The following CTNNA3 variants were observed in gnomAD, a reference collection of about 807,000 sequenced individuals.
The protein encoded by CTNNA3 is catenin alpha-3.
A neutral mutation model predicts 95.7 loss-of-function variants in CTNNA3; 76 were observed. That is an observed-to-expected ratio of 0.79 (90% confidence interval 0.66 to 0.96). CTNNA3 has a LOEUF of 0.96. Among genes scored for constraint, CTNNA3 ranks in the 40% least tolerant of loss-of-function variants. The pLI is 0.00. For synonymous variants in CTNNA3, 431 were observed against 374.4 expected, an observed-to-expected ratio of 1.15 and a Z score of -1.74; for missense variants, 1,191 against 1,089.8, an observed-to-expected ratio of 1.09 and a Z score of -1.31.
intron 1 of CTNNA3, among the ~76,000 whole-genome samples, chr10:67,726,564 A>ATTATATAATATATAT (rs1239359398): frequency 0.012 from 862 of 69,976 alleles, 7 homozygotes; most frequent in African/African-American, 0.021. Flanking sequence ...ATAATATAAT[A>ATTATATAATATATAT]TATATTACAT....
chr10:67,076,156 A>G lies in CTNNA3; in HGVS notation c.1047+104161T>C, dbSNP rs144974922. Reference sequence around the variant, plus strand: ...GCTCCCCTGTATTACAAAGTGAATAATTTCAGAAGATTCAATTCCTCCAGA... The same window carrying G: ...GCTCCCCTGTATTACAAAGTGAATAGTTTCAGAAGATTCAATTCCTCCAGA... On this transcript the variant is annotated intron_variant, in intron 7 of 17. Transcript: ENST00000433211. Among the ~76,000 whole-genome samples the G allele has an allele frequency of 2.7e-3, 414 of 152,362 alleles. 8 individuals are homozygous for G. Among genetic ancestry groups the G allele is most frequent in the Admixed American group, 0.024 (363 of 15,310 alleles).
chr10:67,427,559 CAACTT>C (rs1845967149), intron 5 of CTNNA3, among the ~76,000 whole-genome samples: 1 of 151,990 alleles, frequency 6.6e-6, no homozygotes, highest in Admixed American at 6.6e-5. Flanking sequence ...TTTTTCCTCT[CAACTT>C]AAACTGTGGA....
chr10:67,513,848 T>G (rs1447728379), intron 5 of CTNNA3, among the ~76,000 whole-genome samples: 1 of 152,142 alleles, frequency 6.6e-6, no homozygotes, highest in Non-Finnish European at 1.5e-5. Context: ...CTCTCTTGGT[T>G]TCAGGATACA....
At chr10:67,641,457 C>T (rs1161762956) in intron 2 of CTNNA3, among the ~76,000 whole-genome samples, 1 of 152,202 alleles carries the variant, frequency 6.6e-6, no homozygotes, top group Non-Finnish European at 1.5e-5. Context: ...GGTGATTCCT[C>T]AGGGGTCTAG....
In CTNNA3 at chr10:67,732,909, C is replaced by A. The variant is rs4256878; in HGVS notation, c.-2+30525G>T. ...ACGCACACACACACACACACACACA[C>A]ACATTCTCTCTCTCAAGACTCCGTT... On this transcript the variant is annotated intron_variant, in intron 1 of 17. Transcript: ENST00000684154. Among the ~76,000 whole-genome samples, 83 of 130,282 alleles carry A rather than the reference C, an allele frequency of 6.4e-4. 1 individual carries two copies. Among genetic ancestry groups the A allele is most frequent in the Middle Eastern group, 4.3e-3 (1 of 230 alleles). 85.5% of individuals were successfully genotyped at this position (130,282 alleles called of 152,430 possible).
At chr10:67,659,453 T>C (rs1840117064) in intron 1 of CTNNA3, among the ~76,000 whole-genome samples, 1 of 152,206 alleles carries the variant, frequency 6.6e-6, no homozygotes, top group South Asian at 2.1e-4. Flanking sequence ...TTACTCTATG[T>C]AGCAATGCCT....
chr10:66,721,671 C>A (rs567467637), intron 9 of CTNNA3, among the ~76,000 whole-genome samples: 1 of 152,288 alleles, frequency 6.6e-6, no homozygotes, highest in African/African-American at 2.4e-5. Flanking sequence ...GCAAGAGAGG[C>A]TGCCCTGCTG....
At chr10:67,181,165 C>T (rs1862521703) in intron 6 of CTNNA3, among the ~76,000 whole-genome samples, 1 of 152,152 alleles carries the variant, frequency 6.6e-6, no homozygotes, top group Admixed American at 6.5e-5. Flanking sequence ...CTTTAGTTAA[C>T]TTTAACACTA....
At chr10:66,910,356 G>T (rs1329381591) in intron 7 of CTNNA3, among the ~76,000 whole-genome samples, 1 of 152,102 alleles carries the variant, frequency 6.6e-6, no homozygotes. Flanking sequence ...GTCCTTCATG[G>T]CCTCGCTTAA....
intron 7 of CTNNA3, among the ~76,000 whole-genome samples, chr10:67,135,751 C>A (rs1019289728): frequency 1.3e-5 from 2 of 152,040 alleles, no homozygotes; most frequent in Non-Finnish European, 2.9e-5. Context: ...CCTCCACATA[C>A]CAACACCAAA....
intron 15 of CTNNA3, among the ~76,000 whole-genome samples, chr10:66,041,025 C>A (rs1283196352): frequency 3.9e-5 from 6 of 152,108 alleles, no homozygotes; most frequent in Non-Finnish European, 8.8e-5. Context: ...AGAAAGCCAG[C>A]AGACACCACC....
At chr10:66,854,867 A>G (rs562112475) in intron 7 of CTNNA3, among the ~76,000 whole-genome samples, 61 of 152,050 alleles carry the variant, frequency 4.0e-4, no homozygotes, top group African/African-American at 1.5e-3. Context: ...TCAGACAGAT[A>G]TAAGTTAGAA....
At chr10:67,478,702 C>A (rs1209543216) in intron 5 of CTNNA3, among the ~76,000 whole-genome samples, 2 of 151,900 alleles carry the variant, frequency 1.3e-5, no homozygotes, top group Non-Finnish European at 2.9e-5. Flanking sequence ...GCTCACAGAA[C>A]CCATAAAGCA....
chr10:66,996,976 A>C (rs1466241711), intron 7 of CTNNA3, among the ~76,000 whole-genome samples: 1 of 152,134 alleles, frequency 6.6e-6, no homozygotes, highest in East Asian at 1.9e-4. Context: ...TCTTGGATTA[A>C]ATGCAAAAGA....
At chr10:66,228,253 G>C (rs562399775) in intron 13 of CTNNA3, among the ~76,000 whole-genome samples, 41 of 152,116 alleles carry the variant, frequency 2.7e-4, no homozygotes, top group African/African-American at 9.6e-4. Flanking sequence ...TTCTCAGAAT[G>C]CATCATTAGG....
chr10:67,525,368 A>T (rs911440852), intron 4 of CTNNA3, among the ~76,000 whole-genome samples: 7 of 152,196 alleles, frequency 4.6e-5, no homozygotes, highest in African/African-American at 9.7e-5. Context: ...AAATAATAAT[A>T]GTAATCCATC....
intron 11 of CTNNA3, among the ~76,000 whole-genome samples, chr10:66,422,150 T>C (rs2132635964): frequency 6.6e-6 from 1 of 152,188 alleles, no homozygotes; most frequent in African/African-American, 2.4e-5. Flanking sequence ...TTCTTTACTT[T>C]ATAATCCTCA....
At chr10:67,024,907 G>C (rs1395835726) in intron 7 of CTNNA3, among the ~76,000 whole-genome samples, 1 of 152,026 alleles carries the variant, frequency 6.6e-6, no homozygotes, top group Non-Finnish European at 1.5e-5. Context: ...AAGGCGGGCG[G>C]ATCACCTGAG....
intron 5 of CTNNA3, among the ~76,000 whole-genome samples, chr10:67,363,070 T>A (rs1843056690): frequency 1.3e-5 from 2 of 150,584 alleles, no homozygotes; most frequent in South Asian, 4.2e-4. Context: ...AGGTAAAAGA[T>A]CTCTACAAGG....
Sources: gnomAD v4.1 joint callset for allele counts (sites outside exome capture counted in the v4.1 genomes callset) on GRCh38, gnomAD v4.1.1 for gene constraint, MANE v1.5 for transcripts, NCBI Gene and HGNC (gene_info 2026-07-23, HGNC 2026-07-21) for gene names.